Variants in HERC3 observed in about 807,000 individuals in gnomAD.
The protein encoded by HERC3 is probable E3 ubiquitin-protein ligase HERC3.
In HERC3, 58 loss-of-function variants were observed where a neutral mutation model predicts 129.9. The ratio of observed to expected loss-of-function variants is 0.45; its 90% confidence interval spans 0.36 to 0.56. HERC3 has a LOEUF of 0.56. Among genes scored for constraint, HERC3 ranks in the 20% least tolerant of loss-of-function variants. The pLI is 0.00. For missense variants in HERC3, 835 were observed against 1,244.2 expected (o/e 0.67, Z 4.95); for synonymous variants, 430 against 451.0 (o/e 0.95, Z 0.59).
chr4:88,693,080 C>T lies in HERC3; in HGVS notation c.2657+5781C>T, dbSNP rs1254873741. ...ATTTAAAATGCTATTTCAGAGTACT[C>T]ATGAATGCCCTTAATAGTGACTGCC... On this transcript the variant is annotated intron_variant, in intron 23 of 25. Transcript: ENST00000402738. 3 of 980,828 alleles carry T rather than the reference C, an allele frequency of 3.1e-6. No individual in the cohort carries two copies. The East Asian group carries it at 3.4e-4, about 111-fold the overall frequency. 60.8% of individuals were successfully genotyped at this position (980,828 alleles called of 1,614,324 possible).
At chr4:88,614,009 GT>G (rs1341634954) in intron 3 of HERC3, among the ~76,000 whole-genome samples, 5 of 152,094 alleles carry the variant, frequency 3.3e-5, no homozygotes, top group Non-Finnish European at 7.4e-5. Context: ...ATACTTGAGT[GT>G]TTTAGAAAAT....
At chr4:88,682,775 A>G (rs531156814) in intron 21 of HERC3, among the ~76,000 whole-genome samples, 52 of 152,224 alleles carry the variant, frequency 3.4e-4, no homozygotes, top group Non-Finnish European at 5.3e-4. Flanking sequence ...TAGTGCCGCA[A>G]TAAACATACG....
rs1553929706 is a variant in HERC3, at chr4:88,600,820, A to AT, written c.-29-4968dup. 2.2e-5 allele frequency among the ~76,000 whole-genome samples: 3 copies of AT among 138,968 alleles called. No homozygotes were observed. The East Asian group carries it at 5.8e-4, about 27-fold the overall frequency. 91.2% of individuals were successfully genotyped at this position (138,968 alleles called of 152,430 possible). On this transcript the variant is annotated intron_variant, in intron 2 of 25. Coordinates refer to ENST00000402738, the MANE Select transcript of HERC3 (RefSeq NM_014606.3). ...CATGAAAGAAACTTACCTAATACAC[A>AT]TTTTTTTCTCTGTAAGGCACATCAC...
In HERC3 at chr4:88,701,677, G is replaced by T. The variant is rs143464986; in HGVS notation, c.2658-2421G>T. Among the ~76,000 whole-genome samples the T allele has an allele frequency of 2.3e-3, 355 of 151,892 alleles. 4 individuals carry two copies. Among genetic ancestry groups the T allele is most frequent in the Non-Finnish European group, 1.3e-3 (87 of 67,986 alleles). On this transcript the variant is annotated intron_variant, in intron 23 of 25. Coordinates refer to ENST00000402738, the MANE Select transcript of HERC3 (RefSeq NM_014606.3). ...TTAATTCCAAATTACTGATACTGTT[G>T]TACATACCCTTAATTCCATTCCCCT...
intron 3 of HERC3, among the ~76,000 whole-genome samples, chr4:88,635,457 A>T (rs1225064672): frequency 6.6e-6 from 1 of 152,122 alleles, no homozygotes; most frequent in Non-Finnish European, 1.5e-5. Context: ...TAAAGAAAAA[A>T]TAATGAAAAG....
At chr4:88,561,441 T>G in the HERC3 span, among the ~76,000 whole-genome samples, 2 of 152,208 alleles carry the variant, frequency 1.3e-5, no homozygotes, top group East Asian at 3.8e-4. Context: ...AGGCCTACAA[T>G]GCATAATAAT....
At chr4:88,606,090 A>C in intron 3 of HERC3, 41 bp downstream of exon 3, 1 of 1,524,962 alleles carries the variant, frequency 6.6e-7, no homozygotes, top group South Asian at 1.2e-5. Context: ...GTGAGAATGG[A>C]AAGTTGGAGG....
chr4:88,579,219 T>TAAAAA, the HERC3 span, among the ~76,000 whole-genome samples: 2 of 117,068 alleles, frequency 1.7e-5, no homozygotes, highest in African/African-American at 8.9e-5. Flanking sequence ...CTGTCTCTAC[T>TAAAAA]AAAAAAAAAA....
intron 23 of HERC3, chr4:88,697,932 G>GAT (rs1734836851): frequency 1.3e-6 from 1 of 797,804 alleles, no homozygotes; most frequent in East Asian, 2.7e-5. Flanking sequence ...ACTATCAGCT[G>GAT]ACGGCCGTGT....
At chr4:88,564,570 TG>T in the HERC3 span, among the ~76,000 whole-genome samples, 2 of 152,144 alleles carry the variant, frequency 1.3e-5, no homozygotes, top group African/African-American at 4.8e-5. Context: ...TGAATTTCTG[TG>T]GTATCAGTTG....
At chr4:88,671,648 C>T (rs946783380) in intron 16 of HERC3, among the ~76,000 whole-genome samples, 4 of 152,062 alleles carry the variant, frequency 2.6e-5, no homozygotes, top group Non-Finnish European at 5.9e-5. Flanking sequence ...CTCAGCCTCC[C>T]GAGTAGCTGG....
At chr4:88,643,081 ATATC>A (rs1164115937) in intron 3 of HERC3, among the ~76,000 whole-genome samples, 18 of 152,252 alleles carry the variant, frequency 1.2e-4, no homozygotes, top group African/African-American at 3.6e-4. Flanking sequence ...AAAATGTACT[ATATC>A]TATATATTAA....
intron 1 of HERC3, among the ~76,000 whole-genome samples, chr4:88,595,169 C>G (rs1722226551): frequency 7.4e-6 from 1 of 135,844 alleles, no homozygotes; most frequent in Admixed American, 7.2e-5. Flanking sequence ...TGTGGCAAAA[C>G]AAGCTGCTAT....
intron 23 of HERC3, among the ~76,000 whole-genome samples, chr4:88,691,401 A>T (rs148489756): frequency 1.8e-3 from 272 of 152,368 alleles, no homozygotes; most frequent in African/African-American, 6.3e-3. Context: ...GCTTATAAAC[A>T]ACACAAATGT....
chr4:88,604,335 A>G (rs1455286935), intron 2 of HERC3, among the ~76,000 whole-genome samples: 1 of 152,342 alleles, frequency 6.6e-6, no homozygotes, highest in African/African-American at 2.4e-5. Flanking sequence ...TTACCTATTT[A>G]AAGTATAAAA....
intron 2 of HERC3, among the ~76,000 whole-genome samples, chr4:88,595,881 G>C (rs1722323677): frequency 7.7e-6 from 1 of 130,650 alleles, no homozygotes; most frequent in South Asian, 2.4e-4. Flanking sequence ...GAGGGAGTCT[G>C]GCTGTCGCCC....
the HERC3 span, among the ~76,000 whole-genome samples, chr4:88,587,059 A>G: frequency 6.6e-6 from 1 of 152,222 alleles, no homozygotes; most frequent in Non-Finnish European, 1.5e-5. Context: ...AACAACTTAA[A>G]AGTAAATACA....
chr4:88,598,743 C>G (rs779362133), intron 2 of HERC3, among the ~76,000 whole-genome samples: 1 of 152,148 alleles, frequency 6.6e-6, no homozygotes, highest in East Asian at 1.9e-4. Context: ...TCACAGCTAA[C>G]GTGGTTAATG....
intron 16 of HERC3, among the ~76,000 whole-genome samples, chr4:88,674,245 G>GT (rs1731921547): frequency 6.6e-6 from 1 of 152,122 alleles, no homozygotes; most frequent in Non-Finnish European, 1.5e-5. Context: ...CAGGAAGAGG[G>GT]TGGGGGGAGA....
Sources: gnomAD v4.1 joint callset for allele counts (sites outside exome capture counted in the v4.1 genomes callset) on GRCh38, gnomAD v4.1.1 for gene constraint, MANE v1.5 for transcripts, NCBI Gene and HGNC (gene_info 2026-07-23, HGNC 2026-07-21) for gene names.